The following HUWE1 variants were observed in gnomAD, a reference collection of about 807,000 sequenced individuals.
HUWE1 encodes HECT, UBA and WWE domain containing E3 ubiquitin protein ligase 1.
HUWE1 carries 18 observed loss-of-function variants against 299.4 expected under a neutral mutation model. That is an observed-to-expected ratio of 0.06 (90% confidence interval 0.04 to 0.09). The LOEUF is 0.09. Among genes scored for constraint, HUWE1 ranks in the 10% least tolerant of loss-of-function variants. The pLI is 1.00. For synonymous variants in HUWE1, 1,317 were observed against 1,286.1 expected, an observed-to-expected ratio of 1.02 and a Z score of -0.51; for missense variants, 1,832 against 3,462.3, an observed-to-expected ratio of 0.53 and a Z score of 11.82.
At chrX:53,683,365 C>G (rs1403687800) in intron 2 of HUWE1, among the ~76,000 whole-genome samples, 2 of 111,036 alleles carry the variant, frequency 1.8e-5, no homozygotes, top group Non-Finnish European at 3.8e-5. Flanking sequence ...CGAAGATGAC[C>G]CCACCTCGAG....
chrX:53,626,136 T>C, intron 17 of HUWE1: 1 of 314,517 alleles, frequency 3.2e-6, no homozygotes, highest in Non-Finnish European at 6.1e-6. Context: ...GAAATGAATA[T>C]AAAAATGAAG....
intron 29 of HUWE1, among the ~76,000 whole-genome samples, chrX:53,595,747 A>G (rs781809613): frequency 4.3e-4 from 48 of 111,891 alleles, no homozygotes; most frequent in African/African-American, 1.5e-3. Context: ...AAAACTTTTA[A>G]AATGCCAAAA....
intron 9 of HUWE1, 31 bp from the exon 10 acceptor site, chrX:53,631,645 G>C (rs782775246): frequency 9.3e-7 from 1 of 1,078,396 alleles, no homozygotes; most frequent in Admixed American, 2.2e-5. Context: ...AGAGCTGTAA[G>C]GAGTCACTGA....
intron 49 of HUWE1, among the ~76,000 whole-genome samples, chrX:53,565,820 T>G (rs782095436): frequency 1.1e-4 from 12 of 109,468 alleles, no homozygotes; most frequent in Non-Finnish European, 2.3e-4. Context: ...TTTGTAGAGA[T>G]GGGGTTTCGC....
chrX:53,551,547 T>A (rs781796193), intron 63 of HUWE1, 67 bp from the exon 64 acceptor site: 140 of 1,005,970 alleles, frequency 1.4e-4, no homozygotes, highest in Non-Finnish European at 1.8e-4. Flanking sequence ...GGTCTTGGTC[T>A]GTTGCCCAGG....
At chrX:53,632,682 A>G in intron 8 of HUWE1, 118 bp from the exon 9 acceptor site, 1 of 555,843 alleles carries the variant, frequency 1.8e-6, no homozygotes. Context: ...GCAGAAGAAT[A>G]AGCAGTACAT....
In HUWE1 at chrX:53,575,894, A is replaced by G. The variant is rs782116060; in HGVS notation, c.5885-106T>C. ...TTGGTCAATTTCACATCAAGTGGCTATGACTGTTTACATGGTGCTATTACA... is the reference window on the plus strand; with the variant it reads ...TTGGTCAATTTCACATCAAGTGGCTGTGACTGTTTACATGGTGCTATTACA... On this transcript the variant is annotated intron_variant, in intron 44 of 83. Coordinates refer to ENST00000262854, the MANE Select transcript of HUWE1 (RefSeq NM_031407.7). 61 of 831,170 alleles carry G rather than the reference A, an allele frequency of 7.3e-5. 1 individual carries two copies. Among genetic ancestry groups the G allele is most frequent in the Non-Finnish European group, 1.0e-4 (58 of 569,812 alleles). The allele number at this position is 831,170 out of a possible 1,213,427, so 68.5% of individuals were successfully genotyped here. A position where few individuals can be genotyped will look rare whatever the true frequency, so the allele number is the denominator to read the frequency against.
At chrX:53,553,804 T>C (rs2061875009) in intron 61 of HUWE1, among the ~76,000 whole-genome samples, 1 of 108,763 alleles carries the variant, frequency 9.2e-6, no homozygotes, top group Admixed American at 9.9e-5. Context: ...AGCGAGACTT[T>C]TTCTCAAAAA....
intron 67 of HUWE1, among the ~76,000 whole-genome samples, chrX:53,548,556 T>G (rs1556925428): frequency 8.9e-6 from 1 of 112,959 alleles, no homozygotes. Context: ...TGTTGGAGAT[T>G]AAACGACATG....
In HUWE1 at chrX:53,625,362, A is replaced by C. The variant is rs782694050; in HGVS notation, c.1490-104T>G. The C allele has an allele frequency of 1.3e-5, 7 of 541,809 alleles. No individual in the cohort carries two copies. The East Asian group carries it at 2.3e-4, about 18-fold the overall frequency. 44.7% of individuals were successfully genotyped at this position (541,809 alleles called of 1,213,427 possible). A position where few individuals can be genotyped will look rare whatever the true frequency, so the allele number is the denominator to read the frequency against. ...TAAGAGATCCAAATACACTATAATA[A>C]AATTAGAAGACATTCGAAGTGAGGT... On this transcript the variant is annotated intron_variant, in intron 17 of 83. Coordinates refer to ENST00000262854, the MANE Select transcript of HUWE1 (RefSeq NM_031407.7).
In HUWE1 at chrX:53,645,452, A is replaced by C. The variant is rs2067909815; in HGVS notation, c.363T>G (p.Thr121=). The C allele has an allele frequency of 8.3e-7, 1 of 1,208,243 alleles. No homozygotes were observed. Among genetic ancestry groups the C allele is most frequent in the African/African-American group, 1.8e-5 (1 of 56,689 alleles). The change falls in exon 7 of 84, where the codon ACT becomes ACG. Residue 121 remains threonine, a synonymous_variant. Coordinates refer to ENST00000262854, the MANE Select transcript of HUWE1 (RefSeq NM_031407.7). ...HLYSSIEHLT[T]LLASSDMQVV... ...CTTGCATATCAGAGGAAGCCAATAAAGTTGTCAAATGCTAAAGGGACAAAA... is the reference window on the plus strand; with the variant it reads ...CTTGCATATCAGAGGAAGCCAATAACGTTGTCAAATGCTAAAGGGACAAAA...
At chrX:53,552,919 T>C (rs1556930704) in intron 61 of HUWE1, 26 bp from the exon 62 acceptor site, 1 of 1,210,055 alleles carries the variant, frequency 8.3e-7, no homozygotes, top group South Asian at 1.8e-5. Context: ...AGGGAGAGGT[T>C]AGGTTTCTAT....
At chrX:53,570,887 T>C (rs782588207) in intron 47 of HUWE1, among the ~76,000 whole-genome samples, 10 of 112,964 alleles carry the variant, frequency 8.9e-5, no homozygotes, top group Admixed American at 3.7e-4. Context: ...TTGAATAATT[T>C]GAGAGTCTGA....
intron 9 of HUWE1, 152 bp downstream of exon 9, chrX:53,632,335 A>T: frequency 6.2e-6 from 3 of 481,555 alleles, no homozygotes; most frequent in African/African-American, 2.4e-5. Flanking sequence ...TGCAATTAAC[A>T]CTCCTGAGGA....
chrX:53,594,325 G>A (rs1556982650), intron 31 of HUWE1, among the ~76,000 whole-genome samples, 174 bp downstream of exon 31: 2 of 111,649 alleles, frequency 1.8e-5, no homozygotes, highest in South Asian at 3.7e-4. Context: ...TACCCTCCAA[G>A]GTAAATGGAG....
At chrX:53,577,139 C>T (rs1176013266) in intron 43 of HUWE1, 72 bp from the exon 44 acceptor site, 5 of 764,690 alleles carry the variant, frequency 6.5e-6, no homozygotes, top group African/African-American at 4.1e-5. Flanking sequence ...AATAAAGACT[C>T]AGAAGGGGGC....
intron 79 of HUWE1, 26 bp from the exon 80 acceptor site, chrX:53,536,278 C>T: frequency 8.7e-7 from 1 of 1,152,927 alleles, no homozygotes; most frequent in Non-Finnish European, 1.2e-6. Context: ...TATACAGGGT[C>T]ATGGTTTGCG....
At chrX:53,678,776 A>G (rs2069964444) in intron 3 of HUWE1, among the ~76,000 whole-genome samples, 1 of 111,979 alleles carries the variant, frequency 8.9e-6, no homozygotes, top group Non-Finnish European at 1.9e-5. Flanking sequence ...AAAGTAGTAT[A>G]AAAATAACTA....
intron 48 of HUWE1, among the ~76,000 whole-genome samples, 170 bp downstream of exon 48, chrX:53,569,446 T>C (rs373301943): frequency 1.8e-5 from 2 of 113,165 alleles, no homozygotes; most frequent in African/African-American, 3.2e-5. Context: ...ACTCTAATGG[T>C]AATCAGTGCT....
Sources: allele counts gnomAD v4.1 joint callset (sites outside exome capture counted in the v4.1 genomes callset), GRCh38; gene constraint gnomAD v4.1.1; transcripts MANE v1.5; gene names NCBI Gene and HGNC (gene_info 2026-07-23, HGNC 2026-07-21).